The following SEPTIN5 variants were observed in gnomAD, a reference collection of about 807,000 sequenced individuals.
SEPTIN5 encodes septin-5.
SEPTIN5 carries 16 observed loss-of-function variants against 51.2 expected under a neutral mutation model. The ratio of observed to expected loss-of-function variants is 0.31; its 90% CI spans 0.21 to 0.47. The LOEUF is 0.47. Ranked by LOEUF, SEPTIN5 falls within the 20% of genes least tolerant of loss-of-function variation. The pLI is 0.99. For missense variants in SEPTIN5, 376 were observed against 500.3 expected (o/e 0.75, Z 2.37); for synonymous variants, 208 against 191.2 (o/e 1.09, Z -0.72).
chr22:19,718,257 C>A (rs941889520), intron 2 of SEPTIN5: 2 of 306,678 alleles, frequency 6.5e-6, no homozygotes, highest in Non-Finnish European at 9.6e-6. Context: ...CGGACTGAGG[C>A]CCCGGGGGCG....
In SEPTIN5 at chr22:19,714,920, G is replaced by C. The variant is rs369639583; in HGVS notation, c.54+129G>C. 9.5e-4 allele frequency: 1,181 copies of C among 1,249,162 alleles called. 31 individuals are homozygous for C. The South Asian group carries it at 0.015, about 16-fold the overall frequency. The allele number at this position is 1,249,162 out of a possible 1,614,324, so 77.4% of individuals were successfully genotyped here. ...CTCACCCAGCCCTGTCGCGATCACCGATTGTCAGCCGGGCAGTGCCGCCGC... is the reference window on the plus strand; with the variant it reads ...CTCACCCAGCCCTGTCGCGATCACCCATTGTCAGCCGGGCAGTGCCGCCGC... On this transcript the variant is annotated intron_variant, in intron 2 of 11. Coordinates refer to ENST00000455784, the MANE Select transcript of SEPTIN5 (RefSeq NM_002688.6). The surrounding 1 kb of genome is among the most constrained non-coding windows in gnomAD (Gnocchi z 5.2).
chr22:19,715,300 C>A (rs891808662), intron 2 of SEPTIN5, among the ~76,000 whole-genome samples: 12 of 152,252 alleles, frequency 7.9e-5, no homozygotes, highest in Admixed American at 5.9e-4. Flanking sequence ...GGACTCTTCC[C>A]CAGATTGGGA....
intron 2 of SEPTIN5, chr22:19,718,324 G>A: frequency 1.1e-6 from 1 of 875,424 alleles, no homozygotes; most frequent in South Asian, 5.1e-5. Context: ...GCTCAGCCCT[G>A]CCCTCCGCAG....
intron 10 of SEPTIN5, 52 bp downstream of exon 10, chr22:19,722,009 C>G (rs764863479): frequency 6.4e-7 from 1 of 1,570,940 alleles, no homozygotes; most frequent in African/African-American, 1.3e-5. Flanking sequence ...CCGCCCACGT[C>G]TCCATAACTG....
rs767841432 is a variant in SEPTIN5 at position 19,721,645 on chromosome 22, C to T, written c.723C>T (p.Ser241=). The change falls in exon 9 of 12, where the codon AGC becomes AGT. Residue 241 remains serine, a synonymous_variant. Coordinates refer to ENST00000455784, the MANE Select transcript of SEPTIN5 (RefSeq NM_002688.6). ...TTTCTCCCTCCTTCCCCCAGGAGAG[C>T]GCGCCCTTCGCCGTTATAGGCAGCA... ...FKQQDRELKE[S]APFAVIGSNT... 1.2e-6 allele frequency: 2 copies of T among 1,612,798 alleles called. No individual in the cohort carries two copies. Among genetic ancestry groups the T allele is most frequent in the Non-Finnish European group, 1.7e-6 (2 of 1,179,772 alleles).
chr22:19,719,909 A>G lies in SEPTIN5; in HGVS notation c.238+17A>G. The G allele has an allele frequency of 6.2e-7, 1 of 1,611,920 alleles. No individual in the cohort carries two copies. The highest frequency in any genetic ancestry group is 8.5e-7 in the Non-Finnish European group (1 of 1,179,666). ...GTGCTGAGGGTGAGTGGCCCCCAGG[A>G]GGCCCTGGCACTGATCCCCAGTCCC... On this transcript the variant is annotated intron_variant, in intron 4 of 11. Coordinates refer to ENST00000455784, the MANE Select transcript of SEPTIN5 (RefSeq NM_002688.6).
intron 2 of SEPTIN5, chr22:19,719,344 A>C (rs958079706): frequency 7.8e-5 from 34 of 438,302 alleles, no homozygotes; most frequent in Non-Finnish European, 2.1e-5. Context: ...ACATCTCCCC[A>C]CGGAATAAAT....
chr22:19,717,151 G>A (rs1252074282), intron 2 of SEPTIN5: 4 of 349,840 alleles, frequency 1.1e-5, no homozygotes, highest in South Asian at 2.0e-5. Context: ...AGGTCTCTCA[G>A]CCAGGAGAGC....
intron 8 of SEPTIN5, 35 bp from the exon 9 acceptor site, chr22:19,721,605 C>A: frequency 1.2e-6 from 2 of 1,609,846 alleles, no homozygotes; most frequent in South Asian, 2.2e-5. Context: ...CAATTACGCT[C>A]ACCGGGTGTG....
rs557838688 is a variant in SEPTIN5, at chr22:19,715,231, G to A, written c.54+440G>A. Among the ~76,000 whole-genome samples, 10 of 152,348 alleles carry A rather than the reference G, an allele frequency of 6.6e-5. No homozygotes were observed. In the South Asian group the frequency reaches 1.9e-3, roughly 28 times the overall value. On this transcript the variant is annotated intron_variant, in intron 2 of 11. Transcript: ENST00000455784. ...CCTGTGGTCACCACCCACCTCCCCTGCACCTTCATGCCCCTTTCCCTCCCC... is the reference window on the plus strand; with the variant it reads ...CCTGTGGTCACCACCCACCTCCCCTACACCTTCATGCCCCTTTCCCTCCCC...
chr22:19,723,143 C>A lies in SEPTIN5; in HGVS notation c.*659C>A. On this transcript the variant is annotated 3_prime_UTR_variant, in exon 12 of 12. Coordinates refer to ENST00000455784, the MANE Select transcript of SEPTIN5 (RefSeq NM_002688.6). ...TCCTGGCAACTCTCGGTGCCGTCCC[C>A]TGCCCTCGCTCGAGGCCTCTTCTCC... The A allele has an allele frequency of 1.8e-6, 1 of 558,508 alleles. No homozygotes were observed. 34.6% of individuals were successfully genotyped at this position (558,508 alleles called of 1,614,324 possible).
chr22:19,714,918 C>G lies in SEPTIN5; in HGVS notation c.54+127C>G, dbSNP rs1935893023. On this transcript the variant is annotated intron_variant, in intron 2 of 11. Coordinates refer to ENST00000455784, the MANE Select transcript of SEPTIN5 (RefSeq NM_002688.6). This position sits in a 1 kb window ranked among gnomAD's most constrained non-coding sequence, Gnocchi z 5.2. ...CCCTCACCCAGCCCTGTCGCGATCA[C>G]CGATTGTCAGCCGGGCAGTGCCGCC... The G allele has an allele frequency of 2.4e-6, 3 of 1,258,894 alleles. No homozygotes were observed. The highest frequency in any genetic ancestry group is 3.2e-6 in the Non-Finnish European group (3 of 932,828). 78.0% of individuals were successfully genotyped at this position (1,258,894 alleles called of 1,614,324 possible). A position where few individuals can be genotyped will look rare whatever the true frequency, so the allele number is the denominator to read the frequency against.
At chr22:19,721,276 T>A (rs1249779716) in intron 8 of SEPTIN5, among the ~76,000 whole-genome samples, 1 of 149,850 alleles carries the variant, frequency 6.7e-6, no homozygotes, top group African/African-American at 2.5e-5. Flanking sequence ...GCAGCTAGAG[T>A]GATGATGGAG....
In SEPTIN5 at chr22:19,722,442, G is replaced by T; in HGVS notation, c.1068G>T (p.Gln356His). The change falls in exon 12 of 12, where the codon CAG becomes CAT. Residue 356 changes from glutamine to histidine, a missense_variant. Physicochemically the swap from Gln to His is conservative, Grantham distance 24. Transcript: ENST00000455784. ...RMKDEELRRM[Q>H]EMLQRMKQQM... ...TCCGCCCGCAGCTGAGGCGCATGCA[G>T]GAGATGCTGCAGAGGATGAAGCAGC... 1 of 1,602,312 alleles carries T rather than the reference G, an allele frequency of 6.2e-7. No homozygotes were observed. The highest frequency in any genetic ancestry group is 8.5e-7 in the Non-Finnish European group (1 of 1,174,794).
chr22:19,716,326 G>A (rs1441047209), intron 2 of SEPTIN5, among the ~76,000 whole-genome samples: 1 of 152,238 alleles, frequency 6.6e-6, no homozygotes, highest in Non-Finnish European at 1.5e-5. Context: ...GCCTGTCCAA[G>A]CATTCTTTTT....
At chr22:19,721,609 G>C (rs1248632437) in intron 8 of SEPTIN5, 31 bp from the exon 9 acceptor site, 2 of 1,607,852 alleles carry the variant, frequency 1.2e-6, no homozygotes, top group East Asian at 2.2e-5. Flanking sequence ...TACGCTCACC[G>C]GGTGTGAGCC....
rs2145793784 is a variant in SEPTIN5, at chr22:19,722,594, A to C, written c.*110A>C. On this transcript the variant is annotated 3_prime_UTR_variant, in exon 12 of 12. Transcript: ENST00000455784. Reference sequence around the variant, plus strand: ...GGGGCCACAGCCCCCAGCTGACCCTAATTTATTCTCAGCACCACCCCCTCC... The same window carrying C: ...GGGGCCACAGCCCCCAGCTGACCCTCATTTATTCTCAGCACCACCCCCTCC... The C allele has an allele frequency of 1.7e-6, 2 of 1,177,718 alleles. No homozygotes were observed. The highest frequency in any genetic ancestry group is 2.4e-6 in the Non-Finnish European group (2 of 823,656). 73.0% of individuals were successfully genotyped at this position (1,177,718 alleles called of 1,614,324 possible).
At position 19,722,436 on chromosome 22, in the gene SEPTIN5, C is replaced by T; in HGVS notation, c.1062C>T (p.Arg354=). The part of the protein sequence containing the change: ...LIRMKDEELR[R]MQEMLQRMKQ... ...GTTGTCTCCGCCCGCAGCTGAGGCG[C>T]ATGCAGGAGATGCTGCAGAGGATGA... is the stretch of plus-strand genomic sequence containing the variant. The change falls in exon 12 of 12, where the codon CGC becomes CGT. Residue 354 remains arginine, a synonymous_variant. Transcript: ENST00000455784. 3 of 1,602,208 alleles carry T rather than the reference C, an allele frequency of 1.9e-6. No homozygotes were observed. Among genetic ancestry groups the T allele is most frequent in the Non-Finnish European group, 2.6e-6 (3 of 1,174,754 alleles).
At chr22:19,718,371 A>G (rs1395785269) in intron 2 of SEPTIN5, 2 of 1,007,948 alleles carry the variant, frequency 2.0e-6, no homozygotes, top group South Asian at 4.5e-5. Context: ...CCCAATTTCC[A>G]GGCGACCGTT....
Sources: allele counts gnomAD v4.1 joint callset (sites outside exome capture counted in the v4.1 genomes callset), GRCh38; gene constraint gnomAD v4.1.1; non-coding constraint Gnocchi (gnomAD v3.1); transcripts MANE v1.5; gene names NCBI Gene and HGNC (gene_info 2026-07-23, HGNC 2026-07-21).